AP2A1: variants seen among roughly 807,000 people sequenced by gnomAD.
The protein encoded by AP2A1 is AP-2 complex subunit alpha-1.
A neutral mutation model predicts 107.3 loss-of-function variants in AP2A1; 21 were observed. That is an observed-to-expected ratio of 0.20 (90% CI 0.14 to 0.28). AP2A1 has a LOEUF of 0.28. Ranked by LOEUF, AP2A1 falls within the 10% of genes least tolerant of loss-of-function variation. The pLI, the probability that AP2A1 is intolerant of heterozygous loss-of-function variation, is 1.00. For missense variants in AP2A1, 873 were observed against 1,307.7 expected (o/e 0.67, Z 5.13); for synonymous variants, 602 against 564.8 (o/e 1.07, Z -0.93).
chr19:49,791,076 C>G (rs1467669620), intron 4 of AP2A1, among the ~76,000 whole-genome samples: 2 of 152,264 alleles, frequency 1.3e-5, no homozygotes, highest in Admixed American at 1.3e-4. Context: ...TGGCTCAGGC[C>G]GCAGCCTGCA....
chr19:49,772,620 C>A (rs754522754), intron 1 of AP2A1, among the ~76,000 whole-genome samples: 4 of 151,902 alleles, frequency 2.6e-5, no homozygotes, highest in Admixed American at 1.3e-4. Flanking sequence ...CTCAGCCTCC[C>A]GAGTAGCTGG....
chr19:49,802,629 T>TGGGG, intron 15 of AP2A1: 2 of 1,146,200 alleles, frequency 1.7e-6, no homozygotes, highest in Non-Finnish European at 2.5e-6. Context: ...GGGAGGTCGG[T>TGGGG]CGGGGGGGCG....
At chr19:49,803,785 G>A (rs1181138463) in intron 18 of AP2A1, 11 of 292,380 alleles carry the variant, frequency 3.8e-5, no homozygotes, top group South Asian at 2.0e-4. Flanking sequence ...TCCTGTCCCC[G>A]CTGTGAAGTG....
rs745879497 is a variant in AP2A1 at position 49,800,949 on chromosome 19, C to T, written c.1456-12C>T. ...TTGTTGTCCTCTCCACGCCCTTCCC[C>T]ACCCCACTCAGGCGCTCCAGGCCCC... On this transcript the variant is annotated splice_polypyrimidine_tract_variant and intron_variant, in intron 11 of 22. Coordinates refer to ENST00000354293, the MANE Select transcript of AP2A1 (RefSeq NM_130787.3). 1.3e-6 allele frequency: 2 copies of T among 1,585,170 alleles called. No individual in the cohort carries two copies. The highest frequency in any genetic ancestry group is 1.7e-6 in the Non-Finnish European group (2 of 1,165,334).
intron 6 of AP2A1, among the ~76,000 whole-genome samples, chr19:49,795,399 G>A (rs576352815): frequency 1.3e-5 from 2 of 152,266 alleles, no homozygotes; most frequent in African/African-American, 2.4e-5. Flanking sequence ...GCTCATGCCT[G>A]TAACCCCAGG....
At chr19:49,786,909 G>C (rs763306629) in intron 4 of AP2A1, among the ~76,000 whole-genome samples, 6 of 152,206 alleles carry the variant, frequency 3.9e-5, no homozygotes, top group Non-Finnish European at 8.8e-5. Context: ...GGGCCAGGGT[G>C]GGGCTGTCTG....
intron 8 of AP2A1, 89 bp from the exon 9 acceptor site, chr19:49,799,238 G>C (rs902813090): frequency 1.7e-5 from 24 of 1,431,572 alleles, no homozygotes; most frequent in Non-Finnish European, 2.2e-5. Flanking sequence ...ATCCTTGGGG[G>C]CTGTGAGATG....
chr19:49,803,444 G>A, intron 18 of AP2A1, 68 bp downstream of exon 18: 2 of 1,305,650 alleles, frequency 1.5e-6, no homozygotes. Context: ...GGGGAAGCCG[G>A]CTGACCCAGG....
chr19:49,807,029 A>G lies in AP2A1; in HGVS notation c.*271A>G. 1 of 525,008 alleles carries G rather than the reference A, an allele frequency of 1.9e-6. No homozygotes were observed. The highest frequency in any genetic ancestry group is 2.7e-6 in the Non-Finnish European group (1 of 374,696). The allele number at this position is 525,008 out of a possible 1,614,324, so 32.5% of individuals were successfully genotyped here. A position where few individuals can be genotyped will look rare whatever the true frequency, so the allele number is the denominator to read the frequency against. Reference sequence around the variant, plus strand: ...GGAAGTGGATGTCTCCTCCCCTCCCACCCCACCCTGTTGTAGCCCCTCCTA... The same window carrying G: ...GGAAGTGGATGTCTCCTCCCCTCCCGCCCCACCCTGTTGTAGCCCCTCCTA... On this transcript the variant is annotated 3_prime_UTR_variant, in exon 23 of 23. Transcript: ENST00000354293.
At chr19:49,806,596 C>T (rs2073393648) in intron 22 of AP2A1, 85 bp from the exon 23 acceptor site, 18 of 1,546,944 alleles carry the variant, frequency 1.2e-5, no homozygotes, top group African/African-American at 3.2e-5. Flanking sequence ...GCCCCTTTAT[C>T]CTTCCTTCCT....
At chr19:49,801,319 G>A (rs913381064) in intron 12 of AP2A1, 71 bp from the exon 13 acceptor site, 1 of 1,463,226 alleles carries the variant, frequency 6.8e-7, no homozygotes. Flanking sequence ...CTAGGGAGGG[G>A]CACCTCTCGA....
chr19:49,788,539 G>A lies in AP2A1; in HGVS notation c.474-3396G>A, dbSNP rs2073101977. On this transcript the variant is annotated intron_variant, in intron 4 of 22. Coordinates refer to ENST00000354293, the MANE Select transcript of AP2A1 (RefSeq NM_130787.3). The surrounding 1 kb of genome is among the most constrained non-coding windows in gnomAD (Gnocchi z 4.5). The stretch of plus-strand genomic sequence containing the variant: ...TGTGTGCCGTGGCAGCGATGGGAAA[G>A]TGGCCCAGAGTCAGGGCTCGGGAGA... Among the ~76,000 whole-genome samples the A allele has an allele frequency of 6.6e-6, 1 of 151,080 alleles. No individual in the cohort carries two copies. Among genetic ancestry groups the A allele is most frequent in the South Asian group, 2.1e-4 (1 of 4,768 alleles).
At chr19:49,797,558 CTACAAAAAA>C (rs1183583326) in intron 7 of AP2A1, 1 of 152,008 alleles carries the variant, frequency 6.6e-6, no homozygotes, top group South Asian at 2.1e-4. Flanking sequence ...AACCCCATCT[CTACAAAAAA>C]TACAAAAAAT....
At chr19:49,804,448 GGA>G (rs2123763275) in intron 18 of AP2A1, 1 of 152,116 alleles carries the variant, frequency 6.6e-6, no homozygotes, top group Admixed American at 6.6e-5. Flanking sequence ...GGCTGAGGCA[GGA>G]GAGTGGCGTG....
chr19:49,787,919 G>A (rs1215993209), intron 4 of AP2A1, among the ~76,000 whole-genome samples: 7 of 152,134 alleles, frequency 4.6e-5, no homozygotes, highest in African/African-American at 1.7e-4. Context: ...TCAACAAGAT[G>A]TTTTTCAGGT....
At chr19:49,775,691 T>G (rs1309680123) in intron 1 of AP2A1, among the ~76,000 whole-genome samples, 3 of 152,032 alleles carry the variant, frequency 2.0e-5, no homozygotes, top group Non-Finnish European at 4.4e-5. Flanking sequence ...GCGGGAGGCA[T>G]TGCACCCAGC....
intron 20 of AP2A1, 44 bp from the exon 21 acceptor site, chr19:49,805,828 G>T: frequency 6.2e-7 from 1 of 1,611,928 alleles, no homozygotes; most frequent in Non-Finnish European, 8.5e-7. Context: ...GGGTGGGCGG[G>T]TCGGGCCGTC....
At chr19:49,801,274 C>T in intron 12 of AP2A1, 116 bp from the exon 13 acceptor site, 2 of 1,145,880 alleles carry the variant, frequency 1.7e-6, no homozygotes, top group Non-Finnish European at 2.5e-6. Context: ...GGGCCACTCC[C>T]CTCCAGCAGC....
At chr19:49,806,574 A>T in intron 22 of AP2A1, 107 bp from the exon 23 acceptor site, 1 of 1,547,602 alleles carries the variant, frequency 6.5e-7, no homozygotes, top group South Asian at 1.2e-5. Context: ...TGTGTCTTGT[A>T]TCACCTTTCT....
Sources: allele counts gnomAD v4.1 joint callset (sites outside exome capture counted in the v4.1 genomes callset), GRCh38; gene constraint gnomAD v4.1.1; non-coding constraint Gnocchi (gnomAD v3.1); transcripts MANE v1.5; gene names NCBI Gene and HGNC (gene_info 2026-07-23, HGNC 2026-07-21).